Variants in ARNT2 observed in about 807,000 individuals in gnomAD.
ARNT2 encodes aryl hydrocarbon receptor nuclear translocator 2, also known as ARNT protein 2.
In ARNT2, 36 loss-of-function variants were observed where a neutral mutation model predicts 91.7. The observed-to-expected ratio is 0.39, with a 90% CI of 0.30 to 0.52. ARNT2 has a LOEUF of 0.52. Ranked by LOEUF, ARNT2 falls within the 20% of genes least tolerant of loss-of-function variation. ARNT2 has a pLI of 0.72. For missense variants in ARNT2, 775 were observed against 939.3 expected, an observed-to-expected ratio of 0.83 and a Z score of 2.29; for synonymous variants, 365 against 347.1, an observed-to-expected ratio of 1.05 and a Z score of -0.57.
rs562534685 is a variant in ARNT2 at position 80,568,875 on chromosome 15, C to T, written c.1317-5273C>T. On this transcript the variant is annotated intron_variant, in intron 12 of 18. Transcript: ENST00000303329. The stretch of plus-strand genomic sequence containing the variant: ...CTTCCTGACCATCTCCCCTGCCTTC[C>T]ATCAGGCCCCTGCTGAGCCAGTCCA... 2.7e-4 allele frequency among the ~76,000 whole-genome samples: 41 copies of T among 152,368 alleles called. 1 individual carries two copies. The highest frequency in any genetic ancestry group is 9.6e-4 in the African/African-American group (40 of 41,596).
intron 17 of ARNT2, among the ~76,000 whole-genome samples, chr15:80,590,599 A>C (rs181008400): frequency 7.9e-5 from 12 of 152,336 alleles, no homozygotes; most frequent in African/African-American, 2.4e-4. Flanking sequence ...TTAATTAGTC[A>C]GGCAATGTGG....
rs770251877 is a variant in ARNT2 at position 80,552,784 on chromosome 15, T to C, written c.1089+10T>C. 3.1e-6 allele frequency: 5 copies of C among 1,613,312 alleles called. 1 individual carries two copies. Among genetic ancestry groups the C allele is most frequent in the Non-Finnish European group, 4.2e-6 (5 of 1,179,556 alleles). On this transcript the variant is annotated intron_variant, in intron 10 of 18. Coordinates refer to ENST00000303329, the MANE Select transcript of ARNT2 (RefSeq NM_014862.4). ...TGGCTACCAACCCCAGGTGAGTAGA[T>C]AGTTTTGAGCCTATGGCAATTGACT... is the stretch of plus-strand genomic sequence containing the variant.
At chr15:80,413,275 C>T (rs1456401538) in intron 1 of ARNT2, among the ~76,000 whole-genome samples, 8 of 152,158 alleles carry the variant, frequency 5.3e-5, no homozygotes, top group Non-Finnish European at 8.8e-5. Context: ...TACCAATTCA[C>T]CTCTTCCATA....
rs567290419 is a variant in ARNT2 at position 80,461,658 on chromosome 15, G to C, written c.194+3682G>C. Among the ~76,000 whole-genome samples the C allele has an allele frequency of 2.6e-5, 4 of 152,222 alleles. No individual in the cohort carries two copies. In the East Asian group the frequency reaches 7.8e-4, roughly 30 times the overall value. ...TCACCCCCTGCAGAGGCTGTCTTGG[G>C]GGTGGTCTGGGGGCAGGGGCTGGCT... On this transcript the variant is annotated intron_variant, in intron 3 of 18. Transcript: ENST00000303329.
chr15:80,526,336 C>T (rs1241868756), intron 8 of ARNT2, among the ~76,000 whole-genome samples: 6 of 152,150 alleles, frequency 3.9e-5, no homozygotes, highest in African/African-American at 1.4e-4. Flanking sequence ...TTGTGGGGTG[C>T]GTTCAGAGTT....
intron 1 of ARNT2, among the ~76,000 whole-genome samples, chr15:80,447,141 AAC>A (rs141530902): frequency 2.7e-4 from 41 of 149,740 alleles, no homozygotes; most frequent in Non-Finnish European, 3.3e-4. Flanking sequence ...CTGTGCATAT[AAC>A]ACACACACAC....
Position 80,574,150 on chromosome 15 carries a change from A to G in ARNT2, c.1319A>G (p.Gln440Arg). 6.2e-7 allele frequency: 1 copy of G among 1,614,196 alleles called. No individual in the cohort carries two copies. The change falls in exon 13 of 19, where the codon CAA becomes CGA. Residue 440 changes from glutamine (Q) to arginine (R), a missense_variant and splice_region_variant. Around this residue, in one of 5 missense-constraint regions of ARNT2, gnomAD observed 325 missense variants for 359.9 expected, o/e 0.90. Coordinates refer to ENST00000303329, the MANE Select transcript of ARNT2 (RefSeq NM_014862.4). ...TCTGTTGTCTTCTTGTTTCACAGGC[A>G]ACTTCAGCAACAGCAGGCAGAATTG... ...YIICTNTNVKQLQQQQAELEV... is the reference protein window; with the variant it reads ...YIICTNTNVKRLQQQQAELEV...
chr15:80,531,081 A>G (rs1238717502), intron 8 of ARNT2, among the ~76,000 whole-genome samples: 1 of 152,256 alleles, frequency 6.6e-6, no homozygotes, highest in Admixed American at 6.5e-5. Flanking sequence ...CATGCCGTGA[A>G]CAAGTACCCT....
Position 80,450,943 on chromosome 15 carries a change from A to G in ARNT2, c.95A>G (p.Gln32Arg). 1 of 1,614,210 alleles carries G rather than the reference A, an allele frequency of 6.2e-7. No individual in the cohort carries two copies. Among genetic ancestry groups the G allele is most frequent in the Non-Finnish European group, 8.5e-7 (1 of 1,180,046 alleles). ...GTTGCCCCCATGGCGGCCACCGGAC[A>G]GGTGAGGATGGCGGGGGCCATGCCT... ...LPVAPMAATG[Q>R]VRMAGAMPAR... The change falls in exon 2 of 19, where the codon CAG becomes CGG. Residue 32 changes from glutamine (Q) to arginine (R), a missense_variant. Gln to Arg is a conservative substitution (Grantham distance 43). Around this residue, in one of 5 missense-constraint regions of ARNT2, gnomAD observed 79 missense variants for 83.8 expected, o/e 0.94. Coordinates refer to ENST00000303329, the MANE Select transcript of ARNT2 (RefSeq NM_014862.4).
chr15:80,566,769 G>A (rs2141470749), intron 12 of ARNT2, among the ~76,000 whole-genome samples: 1 of 152,306 alleles, frequency 6.6e-6, no homozygotes, highest in East Asian at 1.9e-4. Flanking sequence ...CTTTGTTAAT[G>A]TCACCCTTGG....
intron 8 of ARNT2, among the ~76,000 whole-genome samples, chr15:80,522,850 A>T (rs74027819): frequency 0.012 from 1,815 of 148,896 alleles, 52 homozygotes; most frequent in African/African-American, 0.044. Flanking sequence ...ACATTAAAAA[A>T]TTTTTTTCTA....
intron 8 of ARNT2, among the ~76,000 whole-genome samples, chr15:80,548,110 C>G (rs1898018995): frequency 6.6e-6 from 1 of 152,054 alleles, no homozygotes; most frequent in Non-Finnish European, 1.5e-5. Flanking sequence ...CCCTTTTTCT[C>G]TCTTTTCCAT....
In ARNT2 at chr15:80,596,982, C is replaced by G; in HGVS notation, c.*3284C>G. The G allele has an allele frequency of 2.8e-6, 1 of 362,390 alleles. No individual in the cohort carries two copies. Among genetic ancestry groups the G allele is most frequent in the Non-Finnish European group, 5.4e-6 (1 of 183,538 alleles). The allele number at this position is 362,390 out of a possible 1,614,324, so 22.4% of individuals were successfully genotyped here. A position where few individuals can be genotyped will look rare whatever the true frequency, so the allele number is the denominator to read the frequency against. Reference sequence around the variant, plus strand: ...GACAGCCATCACAAATAGCCACATTCTGCTCTACTCTCCAACATACCAGAT... The same window carrying G: ...GACAGCCATCACAAATAGCCACATTGTGCTCTACTCTCCAACATACCAGAT... On this transcript the variant is annotated 3_prime_UTR_variant, in exon 19 of 19. Coordinates refer to ENST00000303329, the MANE Select transcript of ARNT2 (RefSeq NM_014862.4).
At chr15:80,493,459 A>G (rs1897083874) in intron 5 of ARNT2, among the ~76,000 whole-genome samples, 1 of 152,218 alleles carries the variant, frequency 6.6e-6, no homozygotes, top group South Asian at 2.1e-4. Context: ...ACCTGAAGTT[A>G]GTAGGGCCAT....
chr15:80,539,746 G>A (rs970704189), intron 8 of ARNT2, among the ~76,000 whole-genome samples: 19 of 151,820 alleles, frequency 1.3e-4, no homozygotes, highest in African/African-American at 4.6e-4. Flanking sequence ...GCCAAAAAAT[G>A]TATGAACAAA....
intron 15 of ARNT2, chr15:80,579,935 C>T (rs2141480028): frequency 6.3e-6 from 1 of 158,348 alleles, no homozygotes; most frequent in South Asian, 1.9e-4. Flanking sequence ...AGAAGCTTTT[C>T]TTTCCGTTTA....
intron 3 of ARNT2, among the ~76,000 whole-genome samples, chr15:80,465,568 C>T (rs1055816887): frequency 5.9e-5 from 9 of 152,128 alleles, no homozygotes; most frequent in Non-Finnish European, 1.0e-4. Context: ...AGTGACCAGT[C>T]GTATTATTTC....
intron 1 of ARNT2, among the ~76,000 whole-genome samples, chr15:80,414,296 A>G (rs533363688): frequency 4.6e-5 from 7 of 152,296 alleles, no homozygotes; most frequent in African/African-American, 1.4e-4. Flanking sequence ...TAAACATCCT[A>G]CTGTGCACAG....
intron 5 of ARNT2, among the ~76,000 whole-genome samples, chr15:80,498,759 C>T (rs974160612): frequency 2.6e-5 from 4 of 152,182 alleles, no homozygotes; most frequent in African/African-American, 9.7e-5. Context: ...GCAGATGTTC[C>T]CAGTCTGGGT....
Sources: gnomAD v4.1 joint callset for allele counts (sites outside exome capture counted in the v4.1 genomes callset) on GRCh38, gnomAD v4.1.1 for gene constraint, gnomAD v4.1.1 regional missense constraint, MANE v1.5 for transcripts, NCBI Gene and HGNC (gene_info 2026-07-23, HGNC 2026-07-21) for gene names.